The following SLC38A3 variants were observed in gnomAD, a reference collection of about 807,000 sequenced individuals.
SLC38A3 encodes sodium-coupled neutral amino acid transporter 3.
SLC38A3 carries 17 observed loss-of-function variants against 59.5 expected under a neutral mutation model. That is an observed-to-expected ratio of 0.29 (90% CI 0.20 to 0.43). The LOEUF (loss-of-function observed/expected upper bound fraction) is 0.43. Among genes scored for constraint, SLC38A3 ranks in the 20% least tolerant of loss-of-function variants. The pLI is 1.00. For missense variants in SLC38A3, 454 were observed against 653.9 expected (o/e 0.69, Z 3.33); for synonymous variants, 238 against 260.3 (o/e 0.91, Z 0.82).
chr3:50,220,049 T>C (rs1186267652), intron 15 of SLC38A3, 24 bp from the exon 16 acceptor site: 2 of 1,602,172 alleles, frequency 1.2e-6, no homozygotes, highest in African/African-American at 2.7e-5. Flanking sequence ...ACCTCGGACC[T>C]GACCCTGACT....
chr3:50,210,121 C>T (rs1699703144), intron 1 of SLC38A3, among the ~76,000 whole-genome samples: 1 of 152,152 alleles, frequency 6.6e-6, no homozygotes, highest in Non-Finnish European at 1.5e-5. Flanking sequence ...ATCTGGTTTC[C>T]CCCCTTACTA....
chr3:50,215,853 G>C lies in SLC38A3; in HGVS notation c.548+32G>C, dbSNP rs904479723. On this transcript the variant is annotated intron_variant, in intron 7 of 15. Transcript: ENST00000614032. The surrounding 1 kb of genome is among the most constrained non-coding windows in gnomAD (Gnocchi z 7.1). Reference sequence around the variant, plus strand: ...CCTGGCGTGGGGAGGGGAGGGGAGGGGTGCGGTGCAGTGAGGAGGGGTGGG... The same window carrying C: ...CCTGGCGTGGGGAGGGGAGGGGAGGCGTGCGGTGCAGTGAGGAGGGGTGGG... The C allele has an allele frequency of 8.4e-7, 1 of 1,191,710 alleles. No homozygotes were observed. The highest frequency in any genetic ancestry group is 1.5e-5 in the African/African-American group (1 of 64,938). The allele number at this position is 1,191,710 out of a possible 1,614,324, so 73.8% of individuals were successfully genotyped here. A position where few individuals can be genotyped will look rare whatever the true frequency, so the allele number is the denominator to read the frequency against.
In SLC38A3 at chr3:50,214,028, C is replaced by T; in HGVS notation, c.-51-121C>T. 1 of 624,590 alleles carries T rather than the reference C, an allele frequency of 1.6e-6. No homozygotes were observed. The highest frequency in any genetic ancestry group is 2.8e-6 in the Non-Finnish European group (1 of 351,046). 38.7% of individuals were successfully genotyped at this position (624,590 alleles called of 1,614,324 possible). On this transcript the variant is annotated intron_variant, in intron 1 of 15. Transcript: ENST00000614032. This position sits in a 1 kb window ranked among gnomAD's most constrained non-coding sequence, Gnocchi z 6.0. Reference sequence around the variant, plus strand: ...CCCAGGGAGGCAGTAGGCAGAGCTGCATGTGTGGATATGCCCCGAGTGACC... The same window carrying T: ...CCCAGGGAGGCAGTAGGCAGAGCTGTATGTGTGGATATGCCCCGAGTGACC...
At position 50,217,991 on chromosome 3, in the gene SLC38A3, C is replaced by T. The variant is rs140222807; in HGVS notation, c.930C>T (p.Leu310=). 7 of 1,613,964 alleles carry T rather than the reference C, an allele frequency of 4.3e-6. No homozygotes were observed. In the African/African-American group the frequency reaches 8.0e-5, roughly 18 times the overall value. ...AGGTGCTGCCCATCTATACTGAGCT[C>T]AAGGAGTAGGTGTCTGTGGCTGGGA... ...HPEVLPIYTE[L]KDPSKKKMQH... The change falls in exon 11 of 16, where the codon CTC becomes CTT. Residue 310 remains leucine, a synonymous_variant. Coordinates refer to ENST00000614032, the MANE Select transcript of SLC38A3 (RefSeq NM_006841.6). This position sits in a 1 kb window ranked among gnomAD's most constrained non-coding sequence, Gnocchi z 4.9.
rs1699628760 is a variant in SLC38A3, at chr3:50,205,276, C to G, written c.-124C>G. 1 of 152,242 alleles carries G rather than the reference C, an allele frequency of 6.6e-6. No homozygotes were observed. The highest frequency in any genetic ancestry group is 2.4e-5 in the African/African-American group (1 of 41,464). 9.4% of individuals were successfully genotyped at this position (152,242 alleles called of 1,614,324 possible). The stretch of plus-strand genomic sequence containing the variant: ...GCGTCGCTGTTGTCGCTGTTGCAGC[C>G]GAGTTCAGCCGGGAGCAGAGCGAAC... On this transcript the variant is annotated 5_prime_UTR_variant, in exon 1 of 16. Coordinates refer to ENST00000614032, the MANE Select transcript of SLC38A3 (RefSeq NM_006841.6).
rs760516541 is a variant in SLC38A3 at position 50,215,765 on chromosome 3, C to T, written c.492C>T (p.Ile164=). The change falls in exon 7 of 16, where the codon ATC becomes ATT. Residue 164 remains isoleucine, a synonymous_variant. Coordinates refer to ENST00000614032, the MANE Select transcript of SLC38A3 (RefSeq NM_006841.6). This position sits in a 1 kb window ranked among gnomAD's most constrained non-coding sequence, Gnocchi z 7.1. The part of the protein sequence containing the change: ...IGAMSSYLYI[I]KSELPLVIQT... ...CCATGTCCAGCTACCTGTACATCAT[C>T]AAGTCTGAGCTGCCACTTGTCATAC... The T allele has an allele frequency of 6.2e-7, 1 of 1,600,638 alleles. No homozygotes were observed. The highest frequency in any genetic ancestry group is 8.5e-7 in the Non-Finnish European group (1 of 1,173,906).
In SLC38A3 at chr3:50,218,158, C is replaced by T. The variant is rs587624402; in HGVS notation, c.936-112C>T. ...GGTGATTATGAGCAAGAAGGAGACT[C>T]CCTCAGATGCTGAATGGTGAAAGTA... On this transcript the variant is annotated intron_variant, in intron 11 of 15. Transcript: ENST00000614032. The surrounding 1 kb of genome is among the most constrained non-coding windows in gnomAD (Gnocchi z 5.8). The T allele has an allele frequency of 5.2e-4, 538 of 1,042,770 alleles. 1 individual carries two copies. The highest frequency in any genetic ancestry group is 7.2e-4 in the Non-Finnish European group (488 of 675,938). The allele number at this position is 1,042,770 out of a possible 1,614,324, so 64.6% of individuals were successfully genotyped here. A position where few individuals can be genotyped will look rare whatever the true frequency, so the allele number is the denominator to read the frequency against.
rs763691328 is a variant in SLC38A3, at chr3:50,215,651, C to A, written c.466+15C>A. On this transcript the variant is annotated intron_variant, in intron 6 of 15. Coordinates refer to ENST00000614032, the MANE Select transcript of SLC38A3 (RefSeq NM_006841.6). The surrounding 1 kb of genome is among the most constrained non-coding windows in gnomAD (Gnocchi z 7.1). The stretch of plus-strand genomic sequence containing the variant: ...GAACATCGGAGGTAAGAGCAGTGGG[C>A]AGGGGCAGGCAGTAGGGAGGTGGAC... The A allele has an allele frequency of 6.2e-7, 1 of 1,613,088 alleles. No homozygotes were observed. The highest frequency in any genetic ancestry group is 8.5e-7 in the Non-Finnish European group (1 of 1,179,422).
At chr3:50,208,834 C>G (rs1699682357) in intron 1 of SLC38A3, among the ~76,000 whole-genome samples, 1 of 152,138 alleles carries the variant, frequency 6.6e-6, no homozygotes, top group African/African-American at 2.4e-5. Flanking sequence ...ACGCATGGAG[C>G]TAATGACTGT....
At position 50,218,795 on chromosome 3, in the gene SLC38A3, GC is replaced by G; in HGVS notation, c.1162-3del. 1 of 1,603,118 alleles carries G rather than the reference GC, an allele frequency of 6.2e-7. No individual in the cohort carries two copies. The highest frequency in any genetic ancestry group is 8.5e-7 in the Non-Finnish European group (1 of 1,170,824). ...AACAGGCTGATGATTCTTCTCACCT[GC>G]CCCCCAGGTGCGCCGCGCCATCCAG... On this transcript the variant is annotated splice_polypyrimidine_tract_variant and splice_region_variant and intron_variant, in intron 13 of 15. Transcript: ENST00000614032. The surrounding 1 kb of genome is among the most constrained non-coding windows in gnomAD (Gnocchi z 5.8).
chr3:50,211,062 T>G (rs1375957411), intron 1 of SLC38A3, among the ~76,000 whole-genome samples: 2 of 152,160 alleles, frequency 1.3e-5, no homozygotes, highest in African/African-American at 4.8e-5. Flanking sequence ...GGCCACACAG[T>G]GAGGCAGGGC....
chr3:50,220,228 T>C lies in SLC38A3; in HGVS notation c.*51T>C. The C allele has an allele frequency of 3.6e-6, 5 of 1,402,956 alleles. No homozygotes were observed. Among genetic ancestry groups the C allele is most frequent in the Non-Finnish European group, 4.9e-6 (5 of 1,015,402 alleles). 86.9% of individuals were successfully genotyped at this position (1,402,956 alleles called of 1,614,324 possible). A position where few individuals can be genotyped will look rare whatever the true frequency, so the allele number is the denominator to read the frequency against. On this transcript the variant is annotated 3_prime_UTR_variant, in exon 16 of 16. Coordinates refer to ENST00000614032, the MANE Select transcript of SLC38A3 (RefSeq NM_006841.6). ...CTCACCCTAGCAGCCCTGCCCAGAC[T>C]CTTCAGCCCCTGCTCCCATCCAGTG...
At chr3:50,208,320 C>T (rs535051276) in intron 1 of SLC38A3, among the ~76,000 whole-genome samples, 102 of 148,692 alleles carry the variant, frequency 6.9e-4, no homozygotes, top group Non-Finnish European at 1.0e-3. Context: ...TGGAGTGCAG[C>T]GGCGTGATCT....
Position 50,214,486 on chromosome 3 carries a change from G to A in SLC38A3, c.183+3G>A. 3 of 1,561,730 alleles carry A rather than the reference G, an allele frequency of 1.9e-6. No homozygotes were observed. The highest frequency in any genetic ancestry group is 2.6e-6 in the Non-Finnish European group (3 of 1,152,936). ...GCAAGGAGCCACACTTCACTGACGT[G>A]AGCAGGGCAGCAACGGGTTTTAGGG... On this transcript the variant is annotated splice_donor_region_variant and intron_variant, in intron 3 of 15. Coordinates refer to ENST00000614032, the MANE Select transcript of SLC38A3 (RefSeq NM_006841.6). The surrounding 1 kb of genome is among the most constrained non-coding windows in gnomAD (Gnocchi z 6.0).
intron 1 of SLC38A3, among the ~76,000 whole-genome samples, chr3:50,206,814 G>A (rs1405719288): frequency 6.6e-6 from 1 of 152,224 alleles, no homozygotes; most frequent in Non-Finnish European, 1.5e-5. Context: ...GCCACTCCTT[G>A]TTGTGTGCTG....
intron 1 of SLC38A3, among the ~76,000 whole-genome samples, chr3:50,205,980 G>T (rs1316760127): frequency 6.6e-6 from 1 of 152,240 alleles, no homozygotes; most frequent in African/African-American, 2.4e-5. Flanking sequence ...CGCAGGGCGC[G>T]AGTGGCTCCC....
At chr3:50,206,764 G>T (rs1360736899) in intron 1 of SLC38A3, among the ~76,000 whole-genome samples, 1 of 152,186 alleles carries the variant, frequency 6.6e-6, no homozygotes, top group Non-Finnish European at 1.5e-5. Flanking sequence ...ATTTTGTTCT[G>T]CCTGGGCCCA....
chr3:50,208,812 C>G (rs528647678), intron 1 of SLC38A3, among the ~76,000 whole-genome samples: 11 of 152,342 alleles, frequency 7.2e-5, no homozygotes, highest in African/African-American at 2.6e-4. Flanking sequence ...GTGTGTGGAT[C>G]AGTATGCATG....
intron 1 of SLC38A3, among the ~76,000 whole-genome samples, chr3:50,213,055 C>A (rs985142799): frequency 2.0e-5 from 3 of 152,312 alleles, no homozygotes; most frequent in Admixed American, 2.0e-4. Context: ...ATGAGGTAGG[C>A]AATTCCTGGA....
Sources: allele counts gnomAD v4.1 joint callset (sites outside exome capture counted in the v4.1 genomes callset), GRCh38; gene constraint gnomAD v4.1.1; non-coding constraint Gnocchi (gnomAD v3.1); transcripts MANE v1.5; gene names NCBI Gene and HGNC (gene_info 2026-07-23, HGNC 2026-07-21).